The following DIP2B variants were observed in gnomAD, a reference collection of about 807,000 sequenced individuals.
The protein encoded by DIP2B is DIP2 acetate--CoA ligase B (putative).
DIP2B carries 76 observed loss-of-function variants against 198.0 expected under a neutral mutation model. That is an observed-to-expected ratio of 0.38 (90% CI 0.32 to 0.46). The LOEUF is 0.46. Among genes scored for constraint, DIP2B ranks in the 20% least tolerant of loss-of-function variants. The pLI is 0.99. For synonymous variants in DIP2B, 701 were observed against 739.1 expected (o/e 0.95, Z 0.84); for missense variants, 1,559 against 1,978.4 (o/e 0.79, Z 4.02).
chr12:50,554,546 G>T (rs552945910), intron 1 of DIP2B, among the ~76,000 whole-genome samples: 17 of 152,168 alleles, frequency 1.1e-4, no homozygotes, highest in Admixed American at 1.0e-3. Context: ...CCTTGAATAG[G>T]TTGTTCCTGG....
At position 50,739,473 on chromosome 12, in the gene DIP2B, A is replaced by G; in HGVS notation, c.4241A>G (p.Gln1414Arg). Residue 1414 changes from glutamine (Q) to arginine (R), a missense_variant, in exon 36 of 38, where the codon CAA becomes CGA. Physicochemically the swap from Gln to Arg is conservative, Grantham distance 43. Coordinates refer to ENST00000301180, the MANE Select transcript of DIP2B (RefSeq NM_173602.3). Reference protein sequence around the residue: ...YYTIYDSETLQADHFNTRLSF... With the variant: ...YYTIYDSETLRADHFNTRLSF... ...ACCATCTATGATAGCGAGACTCTTC[A>G]AGCTGATCATTTCAACACTCGCCTC... The G allele has an allele frequency of 1.2e-6, 2 of 1,614,152 alleles. No individual in the cohort carries two copies. The highest frequency in any genetic ancestry group is 1.7e-6 in the Non-Finnish European group (2 of 1,180,022).
intron 3 of DIP2B, 128 bp downstream of exon 3, chr12:50,640,980 A>C: frequency 2.6e-6 from 3 of 1,151,292 alleles, no homozygotes; most frequent in Non-Finnish European, 3.6e-6. Context: ...ATATTAACTC[A>C]TTCACCAATC....
At chr12:50,605,180 C>T (rs1280325642) in intron 1 of DIP2B, among the ~76,000 whole-genome samples, 5 of 152,108 alleles carry the variant, frequency 3.3e-5, no homozygotes, top group Admixed American at 2.6e-4. Flanking sequence ...GTATAATTCA[C>T]GTATCATACA....
chr12:50,681,491 T>C (rs904875388), intron 9 of DIP2B, among the ~76,000 whole-genome samples: 1 of 152,180 alleles, frequency 6.6e-6, no homozygotes, highest in Non-Finnish European at 1.5e-5. Flanking sequence ...TGTGGTCTTA[T>C]GTAAAAAGAG....
At chr12:50,678,092 G>A (rs1165209766) in intron 7 of DIP2B, among the ~76,000 whole-genome samples, 3 of 149,944 alleles carry the variant, frequency 2.0e-5, no homozygotes, top group East Asian at 3.9e-4. Context: ...TTGGCCATAC[G>A]AGATGAGTGC....
intron 1 of DIP2B, among the ~76,000 whole-genome samples, chr12:50,551,900 C>T (rs968584269): frequency 6.6e-6 from 1 of 151,978 alleles, no homozygotes; most frequent in Non-Finnish European, 1.5e-5. Flanking sequence ...TCCTCAAGAC[C>T]CTTTCAGTTC....
intron 1 of DIP2B, among the ~76,000 whole-genome samples, chr12:50,514,397 A>G (rs1351541790): frequency 2.0e-5 from 3 of 152,172 alleles, no homozygotes; most frequent in Non-Finnish European, 2.9e-5. Flanking sequence ...CTAGTTTATA[A>G]GGAAGACCAG....
At chr12:50,681,581 A>AT (rs1052378248) in intron 9 of DIP2B, among the ~76,000 whole-genome samples, 8 of 152,142 alleles carry the variant, frequency 5.3e-5, no homozygotes, top group Non-Finnish European at 1.0e-4. Context: ...ACATTATACT[A>AT]TTTTTTTAAT....
chr12:50,663,485 G>A (rs916221961), intron 4 of DIP2B, among the ~76,000 whole-genome samples: 2 of 151,994 alleles, frequency 1.3e-5, no homozygotes, highest in Non-Finnish European at 2.9e-5. Context: ...GAACCTGGAA[G>A]GCAGAGCTTG....
At chr12:50,660,361 T>G (rs763436542) in intron 4 of DIP2B, 42 bp downstream of exon 4, 2 of 1,537,512 alleles carry the variant, frequency 1.3e-6, no homozygotes, top group South Asian at 2.6e-5. Flanking sequence ...GTTAATACCT[T>G]GATGTTCCTG....
chr12:50,724,689 G>A (rs913478702), intron 27 of DIP2B, 86 bp from the exon 28 acceptor site: 1 of 1,099,964 alleles, frequency 9.1e-7, no homozygotes, highest in Non-Finnish European at 1.4e-6. Context: ...TGTGGTACAT[G>A]AGTGGCTTTT....
intron 2 of DIP2B, among the ~76,000 whole-genome samples, chr12:50,626,514 G>A (rs1937938220): frequency 6.6e-6 from 1 of 152,112 alleles, no homozygotes; most frequent in Non-Finnish European, 1.5e-5. Flanking sequence ...AGAGAGACTA[G>A]CACATTGTTT....
chr12:50,540,153 G>T (rs1413295340), intron 1 of DIP2B, among the ~76,000 whole-genome samples: 1 of 131,752 alleles, frequency 7.6e-6, no homozygotes, highest in African/African-American at 2.8e-5. Flanking sequence ...CTATCACCCA[G>T]GCTGGAGTGC....
intron 8 of DIP2B, among the ~76,000 whole-genome samples, 156 bp from the exon 9 acceptor site, chr12:50,680,516 C>T (rs962699959): frequency 1.3e-5 from 2 of 152,104 alleles, no homozygotes; most frequent in Non-Finnish European, 2.9e-5. Context: ...TGTGGGGAGG[C>T]CTACTGTGTG....
Position 50,666,849 on chromosome 12 carries a change from G to A in DIP2B, c.428-4337G>A, listed in dbSNP as rs557142882. On this transcript the variant is annotated intron_variant, in intron 4 of 37. Coordinates refer to ENST00000301180, the MANE Select transcript of DIP2B (RefSeq NM_173602.3). ...ATCCTGGCTAACACGCTGAAACCTT[G>A]TCTCTACTAAATAATACAAAAAATT... Among the ~76,000 whole-genome samples the A allele has an allele frequency of 1.2e-4, 19 of 152,196 alleles. No homozygotes were observed. In the East Asian group the frequency reaches 3.1e-3, roughly 25 times the overall value.
chr12:50,563,326 A>G (rs1958535788), intron 1 of DIP2B, among the ~76,000 whole-genome samples: 1 of 152,068 alleles, frequency 6.6e-6, no homozygotes, highest in South Asian at 2.1e-4. Flanking sequence ...GGCTAGATCT[A>G]TAGGTGCATG....
At chr12:50,647,322 G>A (rs552740453) in intron 3 of DIP2B, among the ~76,000 whole-genome samples, 3 of 152,244 alleles carry the variant, frequency 2.0e-5, no homozygotes, top group African/African-American at 4.8e-5. Context: ...AGAGGGAGAC[G>A]GGAAGGCATA....
chr12:50,606,374 G>C (rs529578998), intron 1 of DIP2B, among the ~76,000 whole-genome samples: 1 of 152,120 alleles, frequency 6.6e-6, no homozygotes, highest in South Asian at 2.1e-4. Flanking sequence ...CTCCTACCTT[G>C]ACTTCCCAAA....
intron 1 of DIP2B, among the ~76,000 whole-genome samples, chr12:50,555,363 C>A (rs952806370): frequency 2.0e-5 from 3 of 152,166 alleles, no homozygotes; most frequent in Non-Finnish European, 4.4e-5. Flanking sequence ...CCATCCCTAC[C>A]CTGTGTTTGC....
Sources: allele counts gnomAD v4.1 joint callset (sites outside exome capture counted in the v4.1 genomes callset), GRCh38; gene constraint gnomAD v4.1.1; transcripts MANE v1.5; gene names NCBI Gene and HGNC (gene_info 2026-07-23, HGNC 2026-07-21).